The following PCSK7 variants were observed in gnomAD, a reference collection of about 807,000 sequenced individuals.
PCSK7 encodes the protein proprotein convertase subtilisin/kexin type 7, also known as lymphoma proprotein convertase.
Under a neutral mutation model 73.3 loss-of-function variants are expected in PCSK7, and 38 were observed. The ratio of observed to expected loss-of-function variants is 0.52; its 90% CI spans 0.40 to 0.68. The LOEUF (loss-of-function observed/expected upper bound fraction) is 0.68, where lower values mean the gene tolerates loss of function less well. Ranked by LOEUF, PCSK7 falls within the 30% of genes least tolerant of loss-of-function variation. The pLI is 0.00. For synonymous variants in PCSK7, 296 were observed against 383.8 expected, an observed-to-expected ratio of 0.77 and a Z score of 2.68; for missense variants, 692 against 991.5, an observed-to-expected ratio of 0.70 and a Z score of 4.06.
intron 12 of PCSK7, chr11:117,209,660 TTATG>T (rs1314822165): frequency 1.9e-5 from 3 of 154,256 alleles, no homozygotes; most frequent in East Asian, 1.9e-4. Context: ...TTCAAGCAAA[TTATG>T]TGAGTGAAAA....
At chr11:117,231,839 T>C (rs1426682082) in intron 1 of PCSK7, 188 bp downstream of exon 1, 1 of 152,402 alleles carries the variant, frequency 6.6e-6, no homozygotes, top group Non-Finnish European at 1.5e-5. Flanking sequence ...CCGTGCAATG[T>C]GCCCCTCTCC....
Position 117,223,674 on chromosome 11 carries a change from G to C in PCSK7, c.1055-366C>G, listed in dbSNP as rs550096503. 3 of 350,856 alleles carry C rather than the reference G, an allele frequency of 8.6e-6. No homozygotes were observed. The East Asian group carries it at 1.7e-4, about 19-fold the overall frequency. The allele number at this position is 350,856 out of a possible 1,614,324, so 21.7% of individuals were successfully genotyped here. On this transcript the variant is annotated intron_variant, in intron 8 of 16. Coordinates refer to ENST00000320934, the MANE Select transcript of PCSK7 (RefSeq NM_004716.4). ...CCATATGGAAAAGGCCGCAGTCCTA[G>C]TCTCGAGGAGCCTAGAGTCAGGTAG...
rs1397435227 is a variant in PCSK7 at position 117,205,773 on chromosome 11, T to A, written c.*224A>T. ...GGGCGCCAATCCCCTGTCCAACACCTTCTCACCAAAAGCTCCCGTTTGGCT... is the reference window on the plus strand; with the variant it reads ...GGGCGCCAATCCCCTGTCCAACACCATCTCACCAAAAGCTCCCGTTTGGCT... On this transcript the variant is annotated 3_prime_UTR_variant, in exon 17 of 17. Coordinates refer to ENST00000320934, the MANE Select transcript of PCSK7 (RefSeq NM_004716.4). The A allele has an allele frequency of 2.7e-5, 12 of 438,738 alleles. No individual in the cohort carries two copies. Among genetic ancestry groups the A allele is most frequent in the Non-Finnish European group, 4.5e-5 (11 of 247,110 alleles). 27.2% of individuals were successfully genotyped at this position (438,738 alleles called of 1,614,324 possible).
chr11:117,223,479 C>T (rs1333923795), intron 8 of PCSK7, 171 bp from the exon 9 acceptor site: 4 of 594,094 alleles, frequency 6.7e-6, no homozygotes, highest in Admixed American at 5.6e-5. Context: ...TCTGAACAGG[C>T]AGTCTCAAGT....
Position 117,229,434 on chromosome 11 carries a change from C to T in PCSK7, c.411G>A (p.Arg137=), listed in dbSNP as rs1351797984. The T allele has an allele frequency of 6.2e-7, 1 of 1,610,288 alleles. No individual in the cohort carries two copies. Among genetic ancestry groups the T allele is most frequent in the South Asian group, 1.1e-5 (1 of 91,086 alleles). Residue 137 remains arginine, a synonymous_variant, in exon 3 of 17, where the codon AGG becomes AGA. Coordinates refer to ENST00000320934, the MANE Select transcript of PCSK7 (RefSeq NM_004716.4). The stretch of plus-strand genomic sequence containing the variant: ...TGAAGTGGACGCTGCGCTTGGCCCG[C>T]CTTAGCAGCCTCTGCTCTGAGTGCC... The part of the protein sequence containing the change: ...VRWHSEQRLL[R]RAKRSVHFND...
Position 117,226,914 on chromosome 11 carries a change from C to T in PCSK7, c.769+243G>A, listed in dbSNP as rs781601090. The T allele has an allele frequency of 7.7e-4, 343 of 446,140 alleles. 1 individual carries two copies. The highest frequency in any genetic ancestry group is 5.5e-4 in the Middle Eastern group (1 of 1,816). 27.6% of individuals were successfully genotyped at this position (446,140 alleles called of 1,614,324 possible). On this transcript the variant is annotated intron_variant, in intron 5 of 16. Coordinates refer to ENST00000320934, the MANE Select transcript of PCSK7 (RefSeq NM_004716.4). ...TATCGGATCATAGAGGAAAAACCGA[C>T]AAGAAGGCACTTTGTAATTTATGGA...
intron 12 of PCSK7, chr11:117,211,326 G>C (rs2031723005): frequency 6.6e-6 from 1 of 152,126 alleles, no homozygotes; most frequent in East Asian, 1.9e-4. Flanking sequence ...GGCCAGGCTG[G>C]TCTCGAACTC....
intron 9 of PCSK7, 58 bp downstream of exon 9, chr11:117,223,150 T>G: frequency 1.0e-6 from 1 of 986,796 alleles, no homozygotes; most frequent in Non-Finnish European, 1.6e-6. Context: ...CTGTGATGTC[T>G]GAGACGTGAA....
Position 117,204,755 on chromosome 11 carries a change from G to T in PCSK7, c.*1242C>A. On this transcript the variant is annotated 3_prime_UTR_variant, in exon 17 of 17. Transcript: ENST00000320934. Reference sequence around the variant, plus strand: ...TTGTCCTGGAATATTTTTGGGGTTGGAACTCAAAAAAAAAAAAAAAAAATC... The same window carrying T: ...TTGTCCTGGAATATTTTTGGGGTTGTAACTCAAAAAAAAAAAAAAAAAATC... 1.5e-5 allele frequency: 3 copies of T among 197,830 alleles called. No homozygotes were observed. Among genetic ancestry groups the T allele is most frequent in the Non-Finnish European group, 2.8e-5 (3 of 107,544 alleles). 12.3% of individuals were successfully genotyped at this position (197,830 alleles called of 1,614,324 possible).
chr11:117,209,329 T>C (rs1326748302), intron 12 of PCSK7: 1 of 352,176 alleles, frequency 2.8e-6, no homozygotes, highest in East Asian at 6.2e-5. Flanking sequence ...AAAACATTAT[T>C]TACTGGGTAC....
chr11:117,220,846 T>G (rs1287109452), intron 9 of PCSK7: 6 of 152,416 alleles, frequency 3.9e-5, no homozygotes, highest in Non-Finnish European at 4.4e-5. Context: ...AAGGCCCGCC[T>G]GCCCGGCTCT....
chr11:117,229,267 C>T (rs1724806219), intron 3 of PCSK7, 110 bp downstream of exon 3: 1 of 842,676 alleles, frequency 1.2e-6, no homozygotes, highest in Non-Finnish European at 1.9e-6. Context: ...GGGAAATGGT[C>T]CCTCAGGCAA....
intron 10 of PCSK7, 195 bp from the exon 11 acceptor site, chr11:117,219,359 C>T (rs1170656513): frequency 1.6e-6 from 1 of 634,398 alleles, no homozygotes; most frequent in Non-Finnish European, 2.7e-6. Context: ...TGGCTTGCTT[C>T]TAGAGAAGGG....
At position 117,222,943 on chromosome 11, in the gene PCSK7, G is replaced by C. The variant is rs1036970277; in HGVS notation, c.1155+265C>G. On this transcript the variant is annotated intron_variant, in intron 9 of 16. Coordinates refer to ENST00000320934, the MANE Select transcript of PCSK7 (RefSeq NM_004716.4). ...ATTACAGGAGTGAGCCACCATGTTT[G>C]GCCCCATGTGACACTTAGTTTCTAA... 2.6e-5 allele frequency: 11 copies of C among 416,314 alleles called. No homozygotes were observed. The South Asian group carries it at 2.9e-4, about 11-fold the overall frequency. 25.8% of individuals were successfully genotyped at this position (416,314 alleles called of 1,614,324 possible).
At chr11:117,214,448 TC>T (rs1394070577) in intron 12 of PCSK7, 1 of 152,050 alleles carries the variant, frequency 6.6e-6, no homozygotes, top group Admixed American at 6.6e-5. Context: ...TAGAAGACAC[TC>T]ACAGTTCAGG....
chr11:117,224,553 G>A, intron 7 of PCSK7, 148 bp downstream of exon 7: 1 of 749,850 alleles, frequency 1.3e-6, no homozygotes, highest in Non-Finnish European at 2.4e-6. Flanking sequence ...CGTCCCCTAG[G>A]CTTCCTGCCC....
At chr11:117,227,031 T>C in intron 5 of PCSK7, 126 bp downstream of exon 5, 1 of 706,114 alleles carries the variant, frequency 1.4e-6, no homozygotes, top group Non-Finnish European at 2.3e-6. Context: ...AACTCACCCT[T>C]GCTCTATGCT....
At chr11:117,219,245 C>G in intron 10 of PCSK7, 81 bp from the exon 11 acceptor site, 1 of 1,037,014 alleles carries the variant, frequency 9.6e-7, no homozygotes, top group Non-Finnish European at 1.4e-6. Context: ...CCTGCTTGCC[C>G]TGCTGGCTGA....
At chr11:117,223,683 A>G in intron 8 of PCSK7, 1 of 348,220 alleles carries the variant, frequency 2.9e-6, no homozygotes. Context: ...AGTCTCGAGG[A>G]GCCTAGAGTC....
Sources: gnomAD v4.1 joint callset for allele counts on GRCh38, gnomAD v4.1.1 for gene constraint, MANE v1.5 for transcripts, NCBI Gene and HGNC (gene_info 2026-07-23, HGNC 2026-07-21) for gene names.